The following PDE1A variants were observed in gnomAD, a reference collection of about 807,000 sequenced individuals.
PDE1A encodes dual specificity calcium/calmodulin-dependent 3',5'-cyclic nucleotide phosphodiesterase 1A.
PDE1A carries 35 observed loss-of-function variants against 61.7 expected under a neutral mutation model. The ratio of observed to expected loss-of-function variants is 0.57; its 90% confidence interval spans 0.43 to 0.75. The LOEUF is 0.75. PDE1A is among the 30% of genes least tolerant of loss of function. The pLI is 0.00. For synonymous variants in PDE1A, 232 were observed against 213.2 expected, an observed-to-expected ratio of 1.09 and a Z score of -0.77; for missense variants, 597 against 630.6, an observed-to-expected ratio of 0.95 and a Z score of 0.57.
exon 14 of PDE1A, chr2:182,168,062 C>A: frequency 7.8e-7 from 1 of 1,286,500 alleles, no homozygotes; most frequent in African/African-American, 1.5e-5. Context: ...AGCAGTTGAG[C>A]CCGGTGAATT....
chr2:182,147,624 A>G (rs1393553650), intron 13 of PDE1A, among the ~76,000 whole-genome samples: 3 of 152,224 alleles, frequency 2.0e-5, no homozygotes, highest in Non-Finnish European at 4.4e-5. Flanking sequence ...GGAATCACTC[A>G]GTTTCCATAT....
chr2:182,233,701 C>T (rs896909721), intron 4 of PDE1A, among the ~76,000 whole-genome samples: 2 of 150,986 alleles, frequency 1.3e-5, no homozygotes, highest in African/African-American at 2.4e-5. Context: ...ATTAGGCAAT[C>T]GAAACAAGTT....
At chr2:182,288,648 T>C (rs910497397) in intron 1 of PDE1A, among the ~76,000 whole-genome samples, 4 of 151,916 alleles carry the variant, frequency 2.6e-5, no homozygotes, top group African/African-American at 9.7e-5. Flanking sequence ...ACAACTAGCT[T>C]GGGGGAAACT....
the PDE1A span, among the ~76,000 whole-genome samples, chr2:182,533,128 A>T: frequency 6.6e-6 from 1 of 152,118 alleles, no homozygotes; most frequent in Non-Finnish European, 1.5e-5. Context: ...CCTGGCCAAC[A>T]TGGCAAAAGC....
chr2:182,345,349 C>A (rs1394727878), intron 1 of PDE1A, among the ~76,000 whole-genome samples: 1 of 152,192 alleles, frequency 6.6e-6, no homozygotes, highest in African/African-American at 2.4e-5. Flanking sequence ...TCCTTCACCT[C>A]ACATAGAAAT....
intron 2 of PDE1A, among the ~76,000 whole-genome samples, chr2:182,437,772 T>C (rs765716399): frequency 3.9e-5 from 6 of 151,954 alleles, no homozygotes; most frequent in Non-Finnish European, 7.4e-5. Flanking sequence ...TCTCTCTGTT[T>C]CTTACAATCA....
chr2:182,204,086 A>C (rs972347986), intron 8 of PDE1A, among the ~76,000 whole-genome samples: 3 of 152,004 alleles, frequency 2.0e-5, no homozygotes, highest in African/African-American at 7.2e-5. Flanking sequence ...ATCACACTGA[A>C]ATAGCAACAA....
chr2:182,713,378 A>G, the PDE1A span, among the ~76,000 whole-genome samples: 3 of 152,118 alleles, frequency 2.0e-5, no homozygotes, highest in African/African-American at 7.2e-5. Flanking sequence ...AATAAATTAA[A>G]TGTGCACTTT....
chr2:182,475,528 T>C (rs1318842124), intron 2 of PDE1A, among the ~76,000 whole-genome samples: 2 of 151,938 alleles, frequency 1.3e-5, no homozygotes, highest in Non-Finnish European at 2.9e-5. Flanking sequence ...GCTTTACCAT[T>C]CTCATTATTA....
chr2:182,142,897 T>C (rs548086625), downstream of PDE1A: 3 of 152,354 alleles, frequency 2.0e-5, no homozygotes, highest in Admixed American at 6.5e-5. Context: ...TGGCCAGAGT[T>C]ACTAGCTCAA....
intron 2 of PDE1A, among the ~76,000 whole-genome samples, chr2:182,263,926 G>A (rs1201324628): frequency 6.6e-6 from 1 of 152,158 alleles, no homozygotes; most frequent in Non-Finnish European, 1.5e-5. Context: ...TTCCTAAAGG[G>A]ACTCTGACAT....
chr2:182,185,791 C>T (rs910750316), intron 13 of PDE1A, 101 bp downstream of exon 13: 1 of 1,569,250 alleles, frequency 6.4e-7, no homozygotes, highest in African/African-American at 1.3e-5. Flanking sequence ...CAAGGGCTTA[C>T]ATATTCTATA....
intron 1 of PDE1A, among the ~76,000 whole-genome samples, chr2:182,366,574 GA>G (rs1185784894): frequency 1.3e-5 from 2 of 151,868 alleles, no homozygotes; most frequent in Non-Finnish European, 2.9e-5. Flanking sequence ...ATAAAATTTT[GA>G]AAGTACTATG....
At chr2:182,606,391 G>C in the PDE1A span, among the ~76,000 whole-genome samples, 1 of 152,126 alleles carries the variant, frequency 6.6e-6, no homozygotes, top group Non-Finnish European at 1.5e-5. Context: ...TGTTGGCCAG[G>C]CTGTTCTCGA....
the PDE1A span, among the ~76,000 whole-genome samples, chr2:182,544,864 T>C: frequency 7.2e-5 from 11 of 152,096 alleles, no homozygotes; most frequent in African/African-American, 1.7e-4. Context: ...CTCCTTCTCA[T>C]GTGGTGGAAA....
At chr2:182,433,979 T>G (rs559955709) in intron 2 of PDE1A, among the ~76,000 whole-genome samples, 1 of 152,234 alleles carries the variant, frequency 6.6e-6, no homozygotes, top group Admixed American at 6.6e-5. Context: ...TTGAATTTCA[T>G]GTACCTGTAC....
At chr2:182,432,121 C>T (rs893180944) in intron 2 of PDE1A, among the ~76,000 whole-genome samples, 1 of 152,114 alleles carries the variant, frequency 6.6e-6, no homozygotes, top group African/African-American at 2.4e-5. Context: ...TTCCCTTCAA[C>T]TCCCTGTATG....
At chr2:182,211,317 G>T (rs566446635) in intron 7 of PDE1A, among the ~76,000 whole-genome samples, 14 of 152,188 alleles carry the variant, frequency 9.2e-5, no homozygotes, top group Non-Finnish European at 2.1e-4. Flanking sequence ...TCAAAGATCA[G>T]TTGACTATAT....
At chr2:182,651,231 T>C in the PDE1A span, among the ~76,000 whole-genome samples, 6 of 152,174 alleles carry the variant, frequency 3.9e-5, no homozygotes, top group South Asian at 6.2e-4. Flanking sequence ...GGTCTTGAAC[T>C]CCTGACCTCA....
Sources: allele counts gnomAD v4.1 joint callset (sites outside exome capture counted in the v4.1 genomes callset), GRCh38; gene constraint gnomAD v4.1.1; transcripts MANE v1.5; gene names NCBI Gene and HGNC (gene_info 2026-07-23, HGNC 2026-07-21).